MET: variants seen among roughly 807,000 people sequenced by gnomAD.
MET encodes MET proto-oncogene, receptor tyrosine kinase.
In MET, 48 loss-of-function variants were observed where a neutral mutation model predicts 133.1. The ratio of observed to expected loss-of-function variants is 0.36; its 90% CI spans 0.29 to 0.46. The LOEUF (loss-of-function observed/expected upper bound fraction) is 0.46. Among genes scored for constraint, MET ranks in the 20% least tolerant of loss-of-function variants. The pLI is 1.00. For missense variants in MET, 1,442 were observed against 1,695.9 expected (o/e 0.85, Z 2.63); for synonymous variants, 628 against 616.5 (o/e 1.02, Z -0.28).
chr7:116,696,212 A>C (rs977761497), intron 1 of MET, among the ~76,000 whole-genome samples: 3 of 152,134 alleles, frequency 2.0e-5, no homozygotes, highest in African/African-American at 7.2e-5. Flanking sequence ...CGGCTCTAGC[A>C]TCATTTCCAG....
intron 2 of MET, among the ~76,000 whole-genome samples, chr7:116,717,182 A>G (rs1012328532): frequency 2.0e-5 from 3 of 152,232 alleles, no homozygotes; most frequent in Non-Finnish European, 2.9e-5. Context: ...CTGGCCGTGC[A>G]TTAAGGACCC....
intron 5 of MET, among the ~76,000 whole-genome samples, chr7:116,741,737 A>G (rs1335055945): frequency 6.6e-6 from 1 of 152,176 alleles, no homozygotes; most frequent in Non-Finnish European, 1.5e-5. Flanking sequence ...TAACATCTAT[A>G]CTTCTGTAAG....
At chr7:116,723,660 T>C (rs1266394693) in intron 2 of MET, among the ~76,000 whole-genome samples, 6 of 152,000 alleles carry the variant, frequency 3.9e-5, no homozygotes, top group Admixed American at 6.5e-5. Flanking sequence ...GATGGGTTTT[T>C]GGTGTGGATG....
intron 2 of MET, among the ~76,000 whole-genome samples, chr7:116,701,994 T>A (rs868820030): frequency 1.3e-5 from 2 of 152,204 alleles, no homozygotes; most frequent in Admixed American, 1.3e-4. Context: ...TCTCATTTTT[T>A]AAATTTTGTA....
rs548358252 is a variant in MET, at chr7:116,795,314, G to A, written c.3799-341G>A. 4.1e-4 allele frequency among the ~76,000 whole-genome samples: 62 copies of A among 152,264 alleles called. 2 individuals carry two copies. Among genetic ancestry groups the A allele is most frequent in the Middle Eastern group, 6.8e-3 (2 of 294 alleles). On this transcript the variant is annotated intron_variant, in intron 19 of 20. Coordinates refer to ENST00000397752, the MANE Select transcript of MET (RefSeq NM_000245.4). ...ACAAGTAATGTAAAATTGTAGTGAA[G>A]CTATTGGAAAAGAAAAGGATAGAAA...
chr7:116,743,389 C>G (rs897455077), intron 5 of MET, among the ~76,000 whole-genome samples: 2 of 152,154 alleles, frequency 1.3e-5, no homozygotes, highest in African/African-American at 2.4e-5. Flanking sequence ...CCATTCACTC[C>G]CCTGGAAAGG....
At chr7:116,680,810 C>G (rs38843) in intron 1 of MET, among the ~76,000 whole-genome samples, 1 of 151,554 alleles carries the variant, frequency 6.6e-6, no homozygotes, top group Non-Finnish European at 1.5e-5. Context: ...GACATGGTGG[C>G]GCACACTTGC....
chr7:116,794,373 TCTA>T (rs1795608151), intron 19 of MET, among the ~76,000 whole-genome samples: 1 of 152,212 alleles, frequency 6.6e-6, no homozygotes, highest in Non-Finnish European at 1.5e-5. Flanking sequence ...TTTGAAAACT[TCTA>T]CTTTGCAAAG....
At chr7:116,794,851 G>T (rs1406254208) in intron 19 of MET, among the ~76,000 whole-genome samples, 1 of 152,182 alleles carries the variant, frequency 6.6e-6, no homozygotes. Context: ...GTATGACCTG[G>T]TCTATCCTGA....
At chr7:116,703,917 G>A (rs1452288384) in intron 2 of MET, among the ~76,000 whole-genome samples, 6 of 152,108 alleles carry the variant, frequency 3.9e-5, no homozygotes. Flanking sequence ...AATACAATTA[G>A]CACACAACAC....
intron 19 of MET, among the ~76,000 whole-genome samples, chr7:116,788,478 C>T (rs571403009): frequency 9.2e-5 from 14 of 152,128 alleles, no homozygotes; most frequent in Non-Finnish European, 1.8e-4. Context: ...CCCCCACCTC[C>T]CCAACAAACA....
intron 8 of MET, 22 bp from the exon 9 acceptor site, chr7:116,758,436 CT>C (rs1794270969): frequency 6.2e-7 from 1 of 1,607,898 alleles, no homozygotes; most frequent in Admixed American, 1.7e-5. Flanking sequence ...CTAAAATTCA[CT>C]TCCTTAATTT....
rs2116784290 is a variant in MET, at chr7:116,731,851, T to A, written c.1384T>A (p.Phe462Ile). Reference protein sequence around the residue: ...IANLGTSEGRFMQVVVSRSGP... With the variant: ...IANLGTSEGRIMQVVVSRSGP... ...TAATCTTGGGACATCAGAGGGTCGC[T>A]TCATGCAGGTAAGTGCTTTCTGAGA... The change falls in exon 3 of 21, where the codon TTC (phenylalanine) becomes ATC (isoleucine). Residue 462 changes from phenylalanine to isoleucine, a missense_variant. By Grantham distance (21) the Phe-to-Ile change is conservative. This residue lies in a region of MET where 762 missense variants were observed against 792.4 expected (regional missense o/e 0.96). Transcript: ENST00000397752. 6.2e-7 allele frequency: 1 copy of A among 1,614,010 alleles called. No individual in the cohort carries two copies. The highest frequency in any genetic ancestry group is 8.5e-7 in the Non-Finnish European group (1 of 1,179,886).
At chr7:116,732,669 T>C (rs1315301481) in intron 3 of MET, among the ~76,000 whole-genome samples, 1 of 152,208 alleles carries the variant, frequency 6.6e-6, no homozygotes, top group Non-Finnish European at 1.5e-5. Context: ...GGAGATTTCG[T>C]AATTGTCTGA....
At position 116,759,077 on chromosome 7, in the gene MET, G is replaced by A. The variant is rs10215153; in HGVS notation, c.2265-314G>A. Among the ~76,000 whole-genome samples the A allele has an allele frequency of 0.31, 47,530 of 151,916 alleles. 7,802 individuals carry two copies. Among genetic ancestry groups the A allele is most frequent in the African/African-American group, 0.38 (15,835 of 41,404 alleles). ...ACCCAGTTCAATCTGCCTTGTTTCC[G>A]TTAATTCTATCAGTCTAGCAACAAT... On this transcript the variant is annotated intron_variant, in intron 9 of 20. Coordinates refer to ENST00000397752, the MANE Select transcript of MET (RefSeq NM_000245.4).
intron 11 of MET, among the ~76,000 whole-genome samples, chr7:116,768,008 A>G (rs1038804061): frequency 1.6e-4 from 22 of 139,514 alleles, no homozygotes; most frequent in Middle Eastern, 3.3e-3. Flanking sequence ...GTGTGTGTGT[A>G]TACATATGTG....
chr7:116,694,007 C>G (rs931981882), intron 1 of MET, among the ~76,000 whole-genome samples: 1 of 152,210 alleles, frequency 6.6e-6, no homozygotes, highest in African/African-American at 2.4e-5. Context: ...GTAACATGGA[C>G]AGTGATTGGA....
Position 116,699,533 on chromosome 7 carries a change from A to C in MET, c.449A>C (p.His150Pro). 6.2e-7 allele frequency: 1 copy of C among 1,614,094 alleles called. No homozygotes were observed. The highest frequency in any genetic ancestry group is 2.2e-5 in the East Asian group (1 of 44,880). The change falls in exon 2 of 21, where the codon CAT becomes CCT. Residue 150 changes from histidine to proline, a missense_variant. Physicochemically the swap from His to Pro is moderately conservative, Grantham distance 77 (BLOSUM62 -2). This residue lies in a region of MET where 762 missense variants were observed against 792.4 expected (regional missense o/e 0.96). Transcript: ENST00000397752. ...TCQRHVFPHN[H>P]TADIQSEVHC... ...CAGCGACATGTCTTTCCCCACAATC[A>C]TACTGCTGACATACAGTCGGAGGTT... is the stretch of plus-strand genomic sequence containing the variant.
intron 19 of MET, among the ~76,000 whole-genome samples, chr7:116,794,765 A>T (rs1342894980): frequency 6.6e-6 from 1 of 152,204 alleles, no homozygotes; most frequent in Non-Finnish European, 1.5e-5. Flanking sequence ...GGTCCTGTCC[A>T]CAGGGGCGGC....
Sources: allele counts gnomAD v4.1 joint callset (sites outside exome capture counted in the v4.1 genomes callset), GRCh38; gene constraint gnomAD v4.1.1; regional missense constraint gnomAD v4.1.1; transcripts MANE v1.5; gene names NCBI Gene and HGNC (gene_info 2026-07-23, HGNC 2026-07-21).